TMCC1: variants seen among roughly 807,000 people sequenced by gnomAD.
TMCC1 encodes transmembrane and coiled-coil domain family 1.
In TMCC1, 15 loss-of-function variants were observed where a neutral mutation model predicts 52.4. That is an observed-to-expected ratio of 0.29 (90% CI 0.19 to 0.44). The LOEUF (loss-of-function observed/expected upper bound fraction) is 0.44, where lower values mean the gene tolerates loss of function less well. TMCC1 is among the 20% of genes least tolerant of loss of function. TMCC1 has a pLI of 1.00. For synonymous variants in TMCC1, 279 were observed against 301.9 expected, an observed-to-expected ratio of 0.92 and a Z score of 0.79; for missense variants, 503 against 806.0, an observed-to-expected ratio of 0.62 and a Z score of 4.55.
At chr3:129,780,228 CAATTTGATAATTACAA>C (rs1326673178) in intron 4 of TMCC1, among the ~76,000 whole-genome samples, 1 of 152,108 alleles carries the variant, frequency 6.6e-6, no homozygotes, top group Non-Finnish European at 1.5e-5. Context: ...TTCAAGCCCT[CAATTTGATAATTACAA>C]GATTTGTATA....
At chr3:129,776,847 C>A (rs938248467) in intron 4 of TMCC1, among the ~76,000 whole-genome samples, 1 of 152,074 alleles carries the variant, frequency 6.6e-6, no homozygotes, top group African/African-American at 2.4e-5. Flanking sequence ...ATTGCCCAGG[C>A]TGGTCTCAAA....
rs368095164 is a variant in TMCC1, at chr3:129,715,567, A to G, written c.577-44303T>C. Among the ~76,000 whole-genome samples the G allele has an allele frequency of 4.6e-5, 7 of 152,234 alleles. No homozygotes were observed. The East Asian group carries it at 1.4e-3, about 29-fold the overall frequency. On this transcript the variant is annotated intron_variant, in intron 4 of 6. Transcript: ENST00000393238. ...ACAAACAAACAAACAAACACTCTCT[A>G]TCTGCTCTGTGCTTGAAGTGAAACG... is the stretch of plus-strand genomic sequence containing the variant.
Position 129,651,523 on chromosome 3 carries a change from G to T in TMCC1, c.1920C>A (p.Ala640=), listed in dbSNP as rs780345004. The change falls in exon 7 of 7, where the codon GCC becomes GCA. Residue 640 remains alanine (A), a synonymous_variant. Coordinates refer to ENST00000393238, the MANE Select transcript of TMCC1 (RefSeq NM_001017395.5). This position sits in a 1 kb window ranked among gnomAD's most constrained non-coding sequence, Gnocchi z 5.1. ...FIAFLWKHWD[A]LFSYVERFFS... ...AGAACCGTTCCACATAGCTGAAGAGGGCGTCCCAGTGCTTCCAGAGAAAGG... is the reference window on the plus strand; with the variant it reads ...AGAACCGTTCCACATAGCTGAAGAGTGCGTCCCAGTGCTTCCAGAGAAAGG... 1 of 1,614,148 alleles carries T rather than the reference G, an allele frequency of 6.2e-7. No individual in the cohort carries two copies. The highest frequency in any genetic ancestry group is 1.1e-5 in the South Asian group (1 of 91,082).
At chr3:129,758,142 C>T (rs527380447) in intron 4 of TMCC1, among the ~76,000 whole-genome samples, 12 of 152,272 alleles carry the variant, frequency 7.9e-5, no homozygotes, top group African/African-American at 2.9e-4. Context: ...ATTTGTTTCT[C>T]CCAGATCCAC....
chr3:129,769,108 C>A (rs2054345185), intron 4 of TMCC1, among the ~76,000 whole-genome samples: 1 of 152,236 alleles, frequency 6.6e-6, no homozygotes, highest in African/African-American at 2.4e-5. Context: ...CCCTTCACAC[C>A]TCCCTGCCAA....
At chr3:129,819,066 T>G (rs1215252323) in intron 4 of TMCC1, 1 of 152,488 alleles carries the variant, frequency 6.6e-6, no homozygotes, top group Non-Finnish European at 1.5e-5. Flanking sequence ...ATGTGAAAGG[T>G]TCTCATTCTT....
At chr3:129,697,601 G>C in intron 4 of TMCC1, among the ~76,000 whole-genome samples, 1 of 152,172 alleles carries the variant, frequency 6.6e-6, no homozygotes, top group South Asian at 2.1e-4. Context: ...CAGAAAACAG[G>C]TTTTTCTTTT....
intron 5 of TMCC1, among the ~76,000 whole-genome samples, chr3:129,656,134 T>C (rs1018016955): frequency 1.2e-4 from 19 of 152,212 alleles, no homozygotes; most frequent in African/African-American, 4.3e-4. Context: ...AGTCTTCTCA[T>C]AGTGGTGAAG....
At chr3:129,816,351 C>G (rs946027585) in intron 4 of TMCC1, among the ~76,000 whole-genome samples, 2 of 151,694 alleles carry the variant, frequency 1.3e-5, no homozygotes, top group African/African-American at 4.8e-5. Context: ...CATCAGTGGA[C>G]AAATGAATAA....
intron 2 of TMCC1, among the ~76,000 whole-genome samples, chr3:129,861,245 C>T (rs1247005417): frequency 1.3e-5 from 2 of 152,066 alleles, no homozygotes; most frequent in Non-Finnish European, 2.9e-5. Context: ...TCAAGACCAT[C>T]CTGGCCAACA....
chr3:129,797,986 CTT>C (rs11417298), intron 4 of TMCC1, among the ~76,000 whole-genome samples: 115 of 136,654 alleles, frequency 8.4e-4, no homozygotes, highest in East Asian at 4.5e-3. Context: ...AGTTGTGTGC[CTT>C]TTTTTTTTTT....
intron 1 of TMCC1, among the ~76,000 whole-genome samples, chr3:129,892,994 CGAAA>C (rs1372495090): frequency 6.6e-6 from 1 of 152,114 alleles, no homozygotes; most frequent in African/African-American, 2.4e-5. Flanking sequence ...CTCCTCCCCT[CGAAA>C]GACAGTTCAA....
chr3:129,886,869 G>A (rs575801852), intron 1 of TMCC1, among the ~76,000 whole-genome samples: 7 of 151,504 alleles, frequency 4.6e-5, no homozygotes, highest in South Asian at 2.1e-4. Context: ...CCCGGGAGGC[G>A]GAGGTTGCAG....
rs536402522 is a variant in TMCC1, at chr3:129,669,684, C to T, written c.1511+646G>A. On this transcript the variant is annotated intron_variant, in intron 5 of 6. Transcript: ENST00000393238. ...GTGTGAAGGTAACAAGGAGAAAGGA[C>T]ACATATTCAGAGTATAGCCAAGAGT... Among the ~76,000 whole-genome samples, 5 of 152,238 alleles carry T rather than the reference C, an allele frequency of 3.3e-5. No individual in the cohort carries two copies. In the South Asian group the frequency reaches 8.3e-4, roughly 25 times the overall value.
chr3:129,671,205 G>A lies in TMCC1; in HGVS notation c.636C>T (p.Thr212=), dbSNP rs535947591. The change falls in exon 5 of 7, where the codon ACC becomes ACT. Residue 212 remains threonine (T), a synonymous_variant. Transcript: ENST00000393238. ...CAGAGTCTGTGTGGATGCTGCCATC[G>A]GTACTGGAGGCCACTGCACTGGATG... ...AQTSSAVASS[T]DGSIHTDSVD... is the part of the protein sequence containing the mutation. The A allele has an allele frequency of 4.3e-6, 7 of 1,614,106 alleles. No homozygotes were observed. The highest frequency in any genetic ancestry group is 2.2e-5 in the East Asian group (1 of 44,882).
intron 4 of TMCC1, among the ~76,000 whole-genome samples, chr3:129,763,690 T>C (rs1223120778): frequency 6.6e-6 from 1 of 150,908 alleles, no homozygotes; most frequent in Non-Finnish European, 1.5e-5. Context: ...TTCATAACCA[T>C]CCCTGGAATT....
intron 4 of TMCC1, among the ~76,000 whole-genome samples, chr3:129,713,896 C>T (rs2048879083): frequency 6.6e-6 from 1 of 152,146 alleles, no homozygotes; most frequent in African/African-American, 2.4e-5. Flanking sequence ...CAGATTCCTA[C>T]TGTTGCCCAT....
rs72985353 is a variant in TMCC1, at chr3:129,768,304, C to A, written c.576+59499G>T. Among the ~76,000 whole-genome samples the A allele has an allele frequency of 7.9e-3, 1,206 of 152,224 alleles. 10 individuals carry two copies. Among genetic ancestry groups the A allele is most frequent in the African/African-American group, 0.026 (1,100 of 41,544 alleles). The stretch of plus-strand genomic sequence containing the variant: ...AATCGAGTATGAAGATGTTTCATTA[C>A]AAAATAAAATTTAAGGAGTCCCTAA... On this transcript the variant is annotated intron_variant, in intron 4 of 6. Coordinates refer to ENST00000393238, the MANE Select transcript of TMCC1 (RefSeq NM_001017395.5).
chr3:129,732,667 G>A (rs2050633977), intron 4 of TMCC1, among the ~76,000 whole-genome samples: 1 of 151,882 alleles, frequency 6.6e-6, no homozygotes, highest in African/African-American at 2.4e-5. Context: ...TTGGAAGCAA[G>A]CAGATGAAGG....
Sources: allele counts gnomAD v4.1 joint callset (sites outside exome capture counted in the v4.1 genomes callset), GRCh38; gene constraint gnomAD v4.1.1; non-coding constraint Gnocchi (gnomAD v3.1); transcripts MANE v1.5; gene names NCBI Gene and HGNC (gene_info 2026-07-23, HGNC 2026-07-21).